Variants in RC3H1 observed in about 807,000 individuals in gnomAD.
RC3H1 encodes the protein roquin-1.
In RC3H1, 50 loss-of-function variants were observed where a neutral mutation model predicts 138.2. The observed-to-expected ratio is 0.36, with a 90% CI of 0.29 to 0.46. The LOEUF (loss-of-function observed/expected upper bound fraction) is 0.46. Ranked by LOEUF, RC3H1 falls within the 20% of genes least tolerant of loss-of-function variation. The pLI is 1.00. For missense variants in RC3H1, 1,031 were observed against 1,388.1 expected (o/e 0.74, Z 4.09); for synonymous variants, 462 against 489.1 (o/e 0.94, Z 0.73).
intron 14 of RC3H1, among the ~76,000 whole-genome samples, chr1:173,951,693 A>T (rs1659407646): frequency 6.6e-6 from 1 of 152,170 alleles, no homozygotes; most frequent in South Asian, 2.1e-4. Context: ...GAAGTCCAAG[A>T]TCTTAATTAA....
chr1:173,955,225 C>CAA (rs560354496), intron 13 of RC3H1, among the ~76,000 whole-genome samples: 25 of 60,770 alleles, frequency 4.1e-4, no homozygotes, highest in South Asian at 1.2e-3. Flanking sequence ...AACTCTGTCA[C>CAA]AAAAAAAAAA....
intron 13 of RC3H1, among the ~76,000 whole-genome samples, chr1:173,953,377 T>C (rs1256100436): frequency 6.6e-6 from 1 of 152,076 alleles, no homozygotes; most frequent in African/African-American, 2.4e-5. Context: ...GTTCAAGCCA[T>C]TCTCCTGACT....
chr1:173,973,942 T>C (rs971211900), intron 7 of RC3H1, among the ~76,000 whole-genome samples: 2 of 152,182 alleles, frequency 1.3e-5, no homozygotes, highest in Admixed American at 1.3e-4. Context: ...AAGAGCCAGA[T>C]AATAACCAAG....
chr1:173,945,219 G>A (rs1387571758), intron 17 of RC3H1, among the ~76,000 whole-genome samples: 1 of 151,636 alleles, frequency 6.6e-6, no homozygotes, highest in Admixed American at 6.6e-5. Flanking sequence ...AACCTCCCTG[G>A]GCTCAGGTGA....
chr1:174,020,994 G>C (rs893501149), intron 1 of RC3H1, among the ~76,000 whole-genome samples: 2 of 152,164 alleles, frequency 1.3e-5, no homozygotes, highest in African/African-American at 4.8e-5. Context: ...GGGTGACAGA[G>C]CAAGACTCCG....
At chr1:173,968,303 C>G (rs925809357) in intron 9 of RC3H1, among the ~76,000 whole-genome samples, 2 of 152,124 alleles carry the variant, frequency 1.3e-5, no homozygotes, top group African/African-American at 4.8e-5. Flanking sequence ...ATCTTAACAT[C>G]ATCATGGTGA....
At chr1:173,994,251 G>C (rs1032102821) in intron 1 of RC3H1, among the ~76,000 whole-genome samples, 1 of 151,922 alleles carries the variant, frequency 6.6e-6, no homozygotes, top group Non-Finnish European at 1.5e-5. Flanking sequence ...AAATTAGCCA[G>C]GTGTGGTGGT....
chr1:173,941,882 G>T (rs1429202319), intron 18 of RC3H1, among the ~76,000 whole-genome samples: 1 of 149,938 alleles, frequency 6.7e-6, no homozygotes, highest in Non-Finnish European at 1.5e-5. Flanking sequence ...AGTGAGCTGA[G>T]ATTGCACCAC....
chr1:173,977,885 AGACAAAGCTTTTG>A (rs1660652637), intron 7 of RC3H1, among the ~76,000 whole-genome samples: 1 of 152,226 alleles, frequency 6.6e-6, no homozygotes, highest in South Asian at 2.1e-4. Context: ...TTAAAGACTA[AGACAAAGCTTTTG>A]GAATCAGAGA....
chr1:173,955,525 T>C (rs545579471), intron 13 of RC3H1, among the ~76,000 whole-genome samples: 3 of 151,738 alleles, frequency 2.0e-5, no homozygotes, highest in Admixed American at 2.0e-4. Flanking sequence ...GTTTCACTGT[T>C]AGCCAGGATG....
rs1467494916 is a variant in RC3H1 at position 173,949,438 on chromosome 1, G to A, written c.2524-1856C>T. ...GGCTGGAGTGCAGTGGCGCAATCTCGGTTCACTGCAACCTCTGCCTCCCAG... is the reference window on the plus strand; with the variant it reads ...GGCTGGAGTGCAGTGGCGCAATCTCAGTTCACTGCAACCTCTGCCTCCCAG... On this transcript the variant is annotated intron_variant, in intron 14 of 19. Coordinates refer to ENST00000367696, the MANE Select transcript of RC3H1 (RefSeq NM_172071.4). Among the ~76,000 whole-genome samples, 4 of 151,178 alleles carry A rather than the reference G, an allele frequency of 2.6e-5. No homozygotes were observed. The East Asian group carries it at 5.8e-4, about 22-fold the overall frequency.
At chr1:174,010,350 A>G (rs776734070) in intron 1 of RC3H1, among the ~76,000 whole-genome samples, 3 of 152,148 alleles carry the variant, frequency 2.0e-5, no homozygotes, top group Non-Finnish European at 4.4e-5. Context: ...ATAGTCCTGA[A>G]TGAAATAAAG....
At chr1:173,967,284 C>T (rs1437376735) in intron 9 of RC3H1, among the ~76,000 whole-genome samples, 1 of 152,058 alleles carries the variant, frequency 6.6e-6, no homozygotes, top group Non-Finnish European at 1.5e-5. Context: ...TGCATCACTG[C>T]ACTCCAGCCT....
chr1:173,959,975 G>T (rs969571375), intron 13 of RC3H1, among the ~76,000 whole-genome samples: 15 of 151,738 alleles, frequency 9.9e-5, no homozygotes, highest in African/African-American at 3.1e-4. Flanking sequence ...GGGCGTGGTG[G>T]TGCGTGCCTG....
chr1:173,974,122 A>T (rs1420240003), intron 7 of RC3H1, among the ~76,000 whole-genome samples: 4 of 152,006 alleles, frequency 2.6e-5, no homozygotes, highest in African/African-American at 9.7e-5. Context: ...TACTAAAAAT[A>T]CAAAAAAATT....
chr1:174,010,309 T>C (rs1035217813), intron 1 of RC3H1, among the ~76,000 whole-genome samples: 1 of 152,106 alleles, frequency 6.6e-6, no homozygotes, highest in Non-Finnish European at 1.5e-5. Flanking sequence ...TTATTGAGCA[T>C]CTACTACGTG....
At chr1:173,980,503 T>C (rs1033881785) in intron 6 of RC3H1, among the ~76,000 whole-genome samples, 6 of 152,042 alleles carry the variant, frequency 3.9e-5, no homozygotes, top group Non-Finnish European at 7.4e-5. Flanking sequence ...ATTTTTTTTT[T>C]AGGTTACTCT....
chr1:174,007,440 A>G (rs984661441), intron 1 of RC3H1, among the ~76,000 whole-genome samples: 2 of 151,796 alleles, frequency 1.3e-5, no homozygotes, highest in African/African-American at 4.8e-5. Context: ...ATTCTTTTGT[A>G]CTTGGCTTCT....
At chr1:173,997,981 A>G (rs902677589) in intron 1 of RC3H1, among the ~76,000 whole-genome samples, 3 of 152,180 alleles carry the variant, frequency 2.0e-5, no homozygotes, top group Non-Finnish European at 4.4e-5. Context: ...CAGTTTATAT[A>G]CTCTTCAACC....
Sources: gnomAD v4.1 joint callset for allele counts (sites outside exome capture counted in the v4.1 genomes callset) on GRCh38, gnomAD v4.1.1 for gene constraint, MANE v1.5 for transcripts, NCBI Gene and HGNC (gene_info 2026-07-23, HGNC 2026-07-21) for gene names.